NRAP: variants seen among roughly 807,000 people sequenced by gnomAD.
The protein encoded by NRAP is nebulin-related-anchoring protein.
NRAP carries 189 observed loss-of-function variants against 225.9 expected under a neutral mutation model. The ratio of observed to expected loss-of-function variants is 0.84; its 90% CI spans 0.74 to 0.94. The LOEUF (loss-of-function observed/expected upper bound fraction) is 0.94, where lower values mean the gene tolerates loss of function less well. Among genes scored for constraint, NRAP ranks in the 40% least tolerant of loss-of-function variants. The pLI is 0.00. For missense variants in NRAP, 2,176 were observed against 2,168.7 expected (o/e 1.00, Z -0.07); for synonymous variants, 769 against 790.7 (o/e 0.97, Z 0.46).
At position 113,662,183 on chromosome 10, in the gene NRAP, C is replaced by T. The variant is rs115419934; in HGVS notation, c.255+496G>A. Among the ~76,000 whole-genome samples the T allele has an allele frequency of 8.8e-3, 1,346 of 152,244 alleles. 18 individuals carry two copies. Among genetic ancestry groups the T allele is most frequent in the Middle Eastern group, 0.045 (13 of 292 alleles). On this transcript the variant is annotated intron_variant, in intron 3 of 41. Coordinates refer to ENST00000359988, the MANE Select transcript of NRAP (RefSeq NM_198060.4). ...TGTATGTGGAGGAAATGGGCAGGTTCACATGCAGACAGAGACACTTAAAAA... is the reference window on the plus strand; with the variant it reads ...TGTATGTGGAGGAAATGGGCAGGTTTACATGCAGACAGAGACACTTAAAAA...
rs186443114 is a variant in NRAP at position 113,640,410 on chromosome 10, T to C, written c.1324-79A>G. On this transcript the variant is annotated intron_variant, in intron 13 of 41. Coordinates refer to ENST00000359988, the MANE Select transcript of NRAP (RefSeq NM_198060.4). ...GGCTTTGTTTGAATGCCATAAGAAATATTTTTTAAATACCCAGAAACGAAT... is the reference window on the plus strand; with the variant it reads ...GGCTTTGTTTGAATGCCATAAGAAACATTTTTTAAATACCCAGAAACGAAT... The C allele has an allele frequency of 1.3e-5, 10 of 768,752 alleles. No homozygotes were observed. In the Admixed American group the frequency reaches 1.9e-4, roughly 15 times the overall value. 47.6% of individuals were successfully genotyped at this position (768,752 alleles called of 1,614,324 possible). A position where few individuals can be genotyped will look rare whatever the true frequency, so the allele number is the denominator to read the frequency against.
At chr10:113,589,190 CCCT>C in intron 41 of NRAP, 111 bp from the exon 42 acceptor site, 1 of 795,516 alleles carries the variant, frequency 1.3e-6, no homozygotes, top group East Asian at 2.6e-5. Context: ...AACAGGCTCA[CCCT>C]CCCTTTCCTT....
intron 35 of NRAP, 78 bp downstream of exon 35, chr10:113,604,531 G>C: frequency 7.7e-7 from 1 of 1,300,354 alleles, no homozygotes; most frequent in Non-Finnish European, 1.1e-6. Flanking sequence ...GACTAAGGAA[G>C]AAGCAGAGAT....
rs758175729 is a variant in NRAP at position 113,620,652 on chromosome 10, C to A, written c.2826G>T (p.Gly942=). 1.1e-5 allele frequency: 17 copies of A among 1,613,792 alleles called. No homozygotes were observed. The highest frequency in any genetic ancestry group is 1.4e-5 in the Non-Finnish European group (17 of 1,179,896). ...TCTTCGCCTGCTCCACATTTAATGA[C>A]CCGGTGGCGACCCAGCCCATGCCTT... ...WMKGMGWVAT[G]SLNVEQAKKA... The change falls in exon 25 of 42, where the codon GGG becomes GGT. Residue 942 remains glycine (G), a synonymous_variant. Transcript: ENST00000359988.
Position 113,589,805 on chromosome 10 carries a change from G to A in NRAP, c.4957-8C>T, listed in dbSNP as rs780931577. The A allele has an allele frequency of 6.2e-7, 1 of 1,612,646 alleles. No individual in the cohort carries two copies. ...GTCTGATTTATACTTGACCTTGAGG[G>A]TAAGAGGGAAGCAAGAGGAATATGT... On this transcript the variant is annotated splice_polypyrimidine_tract_variant and splice_region_variant and intron_variant, in intron 40 of 41. Transcript: ENST00000359988.
chr10:113,621,029 T>A (rs1367671010), intron 24 of NRAP, among the ~76,000 whole-genome samples: 1 of 152,146 alleles, frequency 6.6e-6, no homozygotes, highest in Non-Finnish European at 1.5e-5. Flanking sequence ...ATTGTCTGCA[T>A]TACCAGTTTT....
intron 16 of NRAP, among the ~76,000 whole-genome samples, chr10:113,632,196 C>T (rs1052413552): frequency 6.6e-6 from 1 of 152,214 alleles, no homozygotes; most frequent in African/African-American, 2.4e-5. Context: ...TGTGTTGCTC[C>T]TTGCTCTGTT....
intron 21 of NRAP, among the ~76,000 whole-genome samples, chr10:113,625,208 T>C (rs1012359727): frequency 6.6e-6 from 1 of 152,172 alleles, no homozygotes; most frequent in Non-Finnish European, 1.5e-5. Context: ...TGGGATGGTA[T>C]CAACCTCTGC....
chr10:113,624,861 G>T lies in NRAP; in HGVS notation c.2314C>A (p.Leu772Met). Residue 772 changes from leucine to methionine, a missense_variant, in exon 22 of 42, where the codon CTG becomes ATG. Leu to Met is a conservative substitution (Grantham distance 15). This residue lies in a region of NRAP where 1,708 missense variants were observed against 1,695.5 expected (regional missense o/e 1.01). Coordinates refer to ENST00000359988, the MANE Select transcript of NRAP (RefSeq NM_198060.4). ...TTTGCAGCATTGGCTCGGGCCTGCA[G>T]GAAGAGAGGCTCGTCTTTGCTGATG... Reference protein sequence around the residue: ...YTISKDEPLFLQARANAANLS... With the variant: ...YTISKDEPLFMQARANAANLS... 6.2e-7 allele frequency: 1 copy of T among 1,614,134 alleles called. No homozygotes were observed. The highest frequency in any genetic ancestry group is 1.1e-5 in the South Asian group (1 of 91,080).
At position 113,593,233 on chromosome 10, in the gene NRAP, GT is replaced by G. The variant is rs1335125754; in HGVS notation, c.4537-933del. ...TCACTCGTTCCACGAGCTACAGCAG[GT>G]CAGGGGGCCCTTAAGAACCGTCCTT... On this transcript the variant is annotated intron_variant, in intron 38 of 41. Transcript: ENST00000359988. 6.6e-5 allele frequency among the ~76,000 whole-genome samples: 10 copies of G among 152,292 alleles called. No homozygotes were observed. The East Asian group carries it at 1.9e-3, about 29-fold the overall frequency.
chr10:113,630,864 G>T (rs916791255), intron 18 of NRAP, among the ~76,000 whole-genome samples: 10 of 152,208 alleles, frequency 6.6e-5, no homozygotes, highest in African/African-American at 2.4e-4. Flanking sequence ...TGGCCTCACA[G>T]CTTGGAGCAG....
At chr10:113,651,779 G>A (rs1477339299) in intron 7 of NRAP, 24 bp downstream of exon 7, 20 of 1,454,532 alleles carry the variant, frequency 1.4e-5, no homozygotes, top group Non-Finnish European at 1.9e-5. Flanking sequence ...CATCAGTGAT[G>A]GACTGGCCTC....
Position 113,663,997 on chromosome 10 carries a change from T to A in NRAP, c.-115A>T. On this transcript the variant is annotated 5_prime_UTR_variant, in exon 1 of 42. Coordinates refer to ENST00000359988, the MANE Select transcript of NRAP (RefSeq NM_198060.4). ...CGACCATAAAATTCCTGTGGGCACC[T>A]CGATCTTTCAGAATCCAACTTCCAC... The A allele has an allele frequency of 1.3e-6, 1 of 749,954 alleles. No homozygotes were observed. Among genetic ancestry groups the A allele is most frequent in the Non-Finnish European group, 2.3e-6 (1 of 429,338 alleles). 46.5% of individuals were successfully genotyped at this position (749,954 alleles called of 1,614,324 possible).
At position 113,631,542 on chromosome 10, in the gene NRAP, C is replaced by T. The variant is rs1848580480; in HGVS notation, c.1809G>A (p.Leu603=). 1.2e-6 allele frequency: 2 copies of T among 1,612,416 alleles called. No homozygotes were observed. Among genetic ancestry groups the T allele is most frequent in the African/African-American group, 1.3e-5 (1 of 74,924 alleles). The stretch of plus-strand genomic sequence containing the variant: ...TCATCTTAGCAATCTGCAGGGAGTG[C>T]AGAAGCCTAGAGTCGGCTGTTCCCA... ...KAMGTADSRL[L]HSLQIAKMSS... The change falls in exon 18 of 42, where the codon CTG becomes CTA. Residue 603 remains leucine (L), a synonymous_variant. Coordinates refer to ENST00000359988, the MANE Select transcript of NRAP (RefSeq NM_198060.4).
intron 25 of NRAP, 50 bp from the exon 26 acceptor site, chr10:113,617,603 T>C (rs752728650): frequency 4.2e-5 from 45 of 1,078,816 alleles, no homozygotes; most frequent in Non-Finnish European, 6.4e-5. Flanking sequence ...TGCTCTTTCA[T>C]GCCATTTGAA....
chr10:113,603,532 C>T (rs558602767), intron 35 of NRAP, among the ~76,000 whole-genome samples: 63 of 152,226 alleles, frequency 4.1e-4, no homozygotes, highest in South Asian at 1.5e-3. Context: ...GCTGCCCCCA[C>T]GTCAGACTGC....
In NRAP at chr10:113,640,250, T is replaced by A; in HGVS notation, c.1405A>T (p.Met469Leu). The A allele has an allele frequency of 2.5e-6, 4 of 1,604,016 alleles. No homozygotes were observed. Among genetic ancestry groups the A allele is most frequent in the Non-Finnish European group, 3.4e-6 (4 of 1,174,422 alleles). ...ACATCTTTCAAGGGCACCAGTTTCA[T>A]AGCTGTTTGATAGGAAGGCGTGAGA... is the stretch of plus-strand genomic sequence containing the variant. ...ATLTPSYQTA[M>L]KLVPLKDANY... The change falls in exon 14 of 42, where the codon ATG becomes TTG. Residue 469 changes from methionine (M) to leucine (L), a missense_variant. By Grantham distance (15) the Met-to-Leu change is conservative. This residue lies in a region of NRAP where 1,708 missense variants were observed against 1,695.5 expected (regional missense o/e 1.01). Transcript: ENST00000359988.
intron 30 of NRAP, among the ~76,000 whole-genome samples, chr10:113,611,138 C>A (rs1564712892): frequency 6.6e-6 from 1 of 152,172 alleles, no homozygotes; most frequent in African/African-American, 2.4e-5. Context: ...CCCTGGGCGT[C>A]CTGCCTTCCA....
chr10:113,608,566 G>T, intron 31 of NRAP, 54 bp from the exon 32 acceptor site: 1 of 1,146,178 alleles, frequency 8.7e-7, no homozygotes. Context: ...ATAAAAACCA[G>T]AAGCAGAACC....
Sources: allele counts gnomAD v4.1 joint callset (sites outside exome capture counted in the v4.1 genomes callset), GRCh38; gene constraint gnomAD v4.1.1; regional missense constraint gnomAD v4.1.1; transcripts MANE v1.5; gene names NCBI Gene and HGNC (gene_info 2026-07-23, HGNC 2026-07-21).